Variants in RASGRF2 observed in about 807,000 individuals in gnomAD.
RASGRF2 encodes Ras protein specific guanine nucleotide releasing factor 2, also known as ras-specific guanine nucleotide-releasing factor 2.
Under a neutral mutation model 151.0 loss-of-function variants are expected in RASGRF2, and 76 were observed. The observed-to-expected ratio is 0.50, with a 90% CI of 0.42 to 0.61. The LOEUF (loss-of-function observed/expected upper bound fraction) is 0.61. Among genes scored for constraint, RASGRF2 ranks in the 20% least tolerant of loss-of-function variants. RASGRF2 has a pLI of 0.00. For missense variants in RASGRF2, 1,148 were observed against 1,564.6 expected, an observed-to-expected ratio of 0.73 and a Z score of 4.49; for synonymous variants, 504 against 566.5, an observed-to-expected ratio of 0.89 and a Z score of 1.57.
At chr5:81,218,833 T>A (rs941604621) in intron 25 of RASGRF2, among the ~76,000 whole-genome samples, 2 of 152,240 alleles carry the variant, frequency 1.3e-5, no homozygotes, top group African/African-American at 4.8e-5. Flanking sequence ...TCCATGAGCA[T>A]GGGATGTGTT....
intron 1 of RASGRF2, among the ~76,000 whole-genome samples, chr5:81,037,582 A>G (rs2112381880): frequency 6.6e-6 from 1 of 152,330 alleles, no homozygotes; most frequent in East Asian, 1.9e-4. Flanking sequence ...AGATACAAAT[A>G]TAAAGAAAGT....
intron 2 of RASGRF2, among the ~76,000 whole-genome samples, chr5:81,045,161 C>T (rs1223459177): frequency 2.6e-5 from 4 of 152,202 alleles, no homozygotes; most frequent in Non-Finnish European, 5.9e-5. Flanking sequence ...ATCAAGCTGG[C>T]AAGGTAGAGC....
At chr5:81,085,756 C>T (rs1752210889) in intron 7 of RASGRF2, 46 bp from the exon 8 acceptor site, 17 of 1,611,158 alleles carry the variant, frequency 1.1e-5, no homozygotes, top group Non-Finnish European at 1.4e-5. Flanking sequence ...TGTGCCCTGT[C>T]ACCCATCCTG....
intron 17 of RASGRF2, among the ~76,000 whole-genome samples, chr5:81,157,402 A>T (rs1754287562): frequency 6.6e-6 from 1 of 152,096 alleles, no homozygotes; most frequent in Admixed American, 6.6e-5. Context: ...CATTTAACAA[A>T]AAAAGCTAAA....
At chr5:81,173,153 G>A (rs943742935) in intron 17 of RASGRF2, among the ~76,000 whole-genome samples, 5 of 152,084 alleles carry the variant, frequency 3.3e-5, no homozygotes, top group African/African-American at 1.2e-4. Context: ...AAGGCAGGTG[G>A]ATCACCTGAG....
In RASGRF2 at chr5:81,165,506, C is replaced by A. The variant is rs554705489; in HGVS notation, c.2687-14669C>A. 8.5e-5 allele frequency among the ~76,000 whole-genome samples: 13 copies of A among 152,282 alleles called. No homozygotes were observed. The East Asian group carries it at 2.5e-3, about 29-fold the overall frequency. On this transcript the variant is annotated intron_variant, in intron 17 of 26. Coordinates refer to ENST00000265080, the MANE Select transcript of RASGRF2 (RefSeq NM_006909.3). Reference sequence around the variant, plus strand: ...CCCGATTCTTTTCAATTCTTGAATTCTAATAACTTAATAGCTGCTTCTCTC... The same window carrying A: ...CCCGATTCTTTTCAATTCTTGAATTATAATAACTTAATAGCTGCTTCTCTC...
rs1369400110 is a variant in RASGRF2 at position 81,227,936 on chromosome 5, AAGAC to A, written c.*2169_*2172del. ...GCAGCCATTCTTATTAACAAAAAAT[AAGAC>A]AGGAGTTTCCAAATGCTCCTTCCCT... On this transcript the variant is annotated 3_prime_UTR_variant, in exon 27 of 27. Transcript: ENST00000265080. 4 of 152,212 alleles carry A rather than the reference AAGAC, an allele frequency of 2.6e-5. No individual in the cohort carries two copies. Among genetic ancestry groups the A allele is most frequent in the African/African-American group, 7.2e-5 (3 of 41,458 alleles). 9.4% of individuals were successfully genotyped at this position (152,212 alleles called of 1,614,324 possible).
chr5:81,067,709 T>A (rs1335592043), intron 2 of RASGRF2, among the ~76,000 whole-genome samples: 1 of 152,234 alleles, frequency 6.6e-6, no homozygotes, highest in East Asian at 1.9e-4. Flanking sequence ...AGACCTCAGT[T>A]TTTTTGTTAA....
intron 18 of RASGRF2, among the ~76,000 whole-genome samples, chr5:81,195,535 C>T (rs1337772687): frequency 6.7e-6 from 1 of 149,280 alleles, no homozygotes; most frequent in Non-Finnish European, 1.5e-5. Context: ...ATCAGAAGAT[C>T]TAGATTTCTT....
At position 81,180,301 on chromosome 5, in the gene RASGRF2, A is replaced by T; in HGVS notation, c.2793+20A>T. 7.1e-7 allele frequency: 1 copy of T among 1,402,608 alleles called. No individual in the cohort carries two copies. Among genetic ancestry groups the T allele is most frequent in the Non-Finnish European group, 1.0e-6 (1 of 987,636 alleles). 86.9% of individuals were successfully genotyped at this position (1,402,608 alleles called of 1,614,324 possible). A position where few individuals can be genotyped will look rare whatever the true frequency, so the allele number is the denominator to read the frequency against. On this transcript the variant is annotated intron_variant, in intron 18 of 26. Transcript: ENST00000265080. ...GCACAGGTAAGTCAGTGCCCTCATTAATTACTTGCAAGGATTTTTTAAAAA... is the reference window on the plus strand; with the variant it reads ...GCACAGGTAAGTCAGTGCCCTCATTTATTACTTGCAAGGATTTTTTAAAAA...
chr5:81,028,874 G>C (rs1750134446), intron 1 of RASGRF2, among the ~76,000 whole-genome samples: 1 of 152,182 alleles, frequency 6.6e-6, no homozygotes, highest in African/African-American at 2.4e-5. Context: ...GGAAGTGCAA[G>C]GGGTCGGGGA....
At chr5:81,194,787 T>C (rs985154586) in intron 18 of RASGRF2, among the ~76,000 whole-genome samples, 2 of 152,212 alleles carry the variant, frequency 1.3e-5, no homozygotes, top group Non-Finnish European at 2.9e-5. Context: ...CTCTCTTGGT[T>C]TCTTTTGTTA....
chr5:81,052,595 G>T (rs1390431525), intron 2 of RASGRF2, among the ~76,000 whole-genome samples: 1 of 152,190 alleles, frequency 6.6e-6, no homozygotes, highest in African/African-American at 2.4e-5. Context: ...ATTGGTGGAG[G>T]TGACAGTGTT....
At chr5:80,977,631 A>G (rs546362161) in intron 1 of RASGRF2, among the ~76,000 whole-genome samples, 2 of 152,084 alleles carry the variant, frequency 1.3e-5, no homozygotes, top group African/African-American at 4.8e-5. Flanking sequence ...TAATTTTTCT[A>G]TTTTTAGTAG....
chr5:81,188,644 A>G (rs1287227041), intron 18 of RASGRF2, among the ~76,000 whole-genome samples: 1 of 152,196 alleles, frequency 6.6e-6, no homozygotes, highest in Admixed American at 6.5e-5. Context: ...TATATCAGAC[A>G]CTGTTTCAAG....
At chr5:81,044,557 T>C (rs1580246879) in intron 2 of RASGRF2, among the ~76,000 whole-genome samples, 1 of 152,230 alleles carries the variant, frequency 6.6e-6, no homozygotes, top group Non-Finnish European at 1.5e-5. Flanking sequence ...CAGCTACTTA[T>C]ATTTACCACC....
At chr5:81,148,115 G>C (rs1417399747) in intron 17 of RASGRF2, among the ~76,000 whole-genome samples, 1 of 152,146 alleles carries the variant, frequency 6.6e-6, no homozygotes, top group Non-Finnish European at 1.5e-5. Flanking sequence ...TCATTACAAC[G>C]AGCCTGTGAA....
chr5:81,016,280 C>T (rs1749634278), intron 1 of RASGRF2, among the ~76,000 whole-genome samples: 1 of 152,114 alleles, frequency 6.6e-6, no homozygotes, highest in African/African-American at 2.4e-5. Context: ...GACTTAAGCC[C>T]CCATGCAGCA....
intron 17 of RASGRF2, among the ~76,000 whole-genome samples, chr5:81,161,224 G>T (rs563376699): frequency 2.6e-5 from 4 of 152,238 alleles, no homozygotes; most frequent in South Asian, 2.1e-4. Context: ...CCTGCCTAGG[G>T]TCATTGCATA....
Sources: allele counts gnomAD v4.1 joint callset (sites outside exome capture counted in the v4.1 genomes callset), GRCh38; gene constraint gnomAD v4.1.1; transcripts MANE v1.5; gene names NCBI Gene and HGNC (gene_info 2026-07-23, HGNC 2026-07-21).